The following OPCML variants were observed in gnomAD, a reference collection of about 807,000 sequenced individuals.
The protein encoded by OPCML is opioid binding protein/cell adhesion molecule like, also known as opioid-binding protein/cell adhesion molecule.
Under a neutral mutation model 37.8 loss-of-function variants are expected in OPCML, and 13 were observed. The ratio of observed to expected loss-of-function variants is 0.34; its 90% CI spans 0.22 to 0.55. The LOEUF is 0.55. Ranked by LOEUF, OPCML falls within the 20% of genes least tolerant of loss-of-function variation. OPCML has a pLI of 0.91. For synonymous variants in OPCML, 176 were observed against 168.8 expected, an observed-to-expected ratio of 1.04 and a Z score of -0.33; for missense variants, 341 against 435.6, an observed-to-expected ratio of 0.78 and a Z score of 1.93.
chr11:133,341,610 C>T (rs1592217004), intron 1 of OPCML, among the ~76,000 whole-genome samples: 1 of 152,308 alleles, frequency 6.6e-6, no homozygotes, highest in East Asian at 1.9e-4. Context: ...AGAAATCAGT[C>T]TCCCTTAAAA....
intron 2 of OPCML, among the ~76,000 whole-genome samples, chr11:132,685,541 A>T (rs1012388044): frequency 6.6e-6 from 1 of 152,192 alleles, no homozygotes; most frequent in African/African-American, 2.4e-5. Context: ...GAGAAGACAC[A>T]TGTTTTAAAA....
intron 1 of OPCML, among the ~76,000 whole-genome samples, chr11:133,274,590 C>T (rs1044285588): frequency 3.3e-5 from 5 of 152,186 alleles, no homozygotes; most frequent in Admixed American, 6.5e-5. Context: ...ACAATCACCT[C>T]GAAGTTCCCT....
At chr11:132,559,754 C>G (rs370557942) in intron 3 of OPCML, among the ~76,000 whole-genome samples, 10 of 152,018 alleles carry the variant, frequency 6.6e-5, no homozygotes, top group African/African-American at 2.2e-4. Flanking sequence ...AATATATGAC[C>G]ACCTGGAGGG....
Position 133,317,944 on chromosome 11 carries a change from C to T in OPCML, c.61+214320G>A, listed in dbSNP as rs533995032. 4.1e-4 allele frequency among the ~76,000 whole-genome samples: 63 copies of T among 152,258 alleles called. 1 individual carries two copies. The highest frequency in any genetic ancestry group is 1.2e-3 in the African/African-American group (48 of 41,548). On this transcript the variant is annotated intron_variant, in intron 1 of 7. Coordinates refer to ENST00000524381, the MANE Select transcript of OPCML (RefSeq NM_001012393.5). ...TGCTTGCCTATTATTAGGCCCACAT[C>T]GAAGCGCTTCATGAGCATTTATGCC...
intron 3 of OPCML, among the ~76,000 whole-genome samples, chr11:132,584,616 G>A (rs2096468675): frequency 6.6e-6 from 1 of 152,170 alleles, no homozygotes; most frequent in African/African-American, 2.4e-5. Flanking sequence ...AGAGATGACT[G>A]TGTGAAATGT....
chr11:132,992,405 T>C (rs1291672005), intron 1 of OPCML, among the ~76,000 whole-genome samples: 1 of 152,206 alleles, frequency 6.6e-6, no homozygotes, highest in Non-Finnish European at 1.5e-5. Flanking sequence ...ATAATATCTG[T>C]CTCCATTTTT....
chr11:133,481,444 A>AAAT (rs57311169), intron 1 of OPCML, among the ~76,000 whole-genome samples: 18,538 of 150,124 alleles, frequency 0.12, 1,237 homozygotes, highest in Admixed American at 0.19. Context: ...CCCAGTTAAA[A>AAAT]AAATAAATAA....
chr11:132,542,674 G>C (rs1204361568), intron 3 of OPCML, among the ~76,000 whole-genome samples: 1 of 152,160 alleles, frequency 6.6e-6, no homozygotes, highest in Non-Finnish European at 1.5e-5. Flanking sequence ...TGAATGGGCT[G>C]CAGGTCTCTG....
chr11:133,458,182 A>G (rs1183016787), intron 1 of OPCML, among the ~76,000 whole-genome samples: 1 of 140,668 alleles, frequency 7.1e-6, no homozygotes, highest in African/African-American at 3.0e-5. Flanking sequence ...ATATATGTGT[A>G]TATATACACA....
At chr11:133,023,999 G>GAGGC (rs1265611891) in intron 1 of OPCML, among the ~76,000 whole-genome samples, 1 of 152,206 alleles carries the variant, frequency 6.6e-6, no homozygotes, top group Non-Finnish European at 1.5e-5. Context: ...ACCCTGCACA[G>GAGGC]AGGCCCAGAG....
At chr11:133,007,873 G>C (rs545057878) in intron 1 of OPCML, 1 of 985,432 alleles carries the variant, frequency 1.0e-6, no homozygotes, top group Non-Finnish European at 1.2e-6. Context: ...AGATTGTGGG[G>C]AAAATGGTTT....
At chr11:132,898,817 A>G (rs1943943046) in intron 2 of OPCML, among the ~76,000 whole-genome samples, 1 of 151,726 alleles carries the variant, frequency 6.6e-6, no homozygotes, top group Admixed American at 6.6e-5. Flanking sequence ...CAATGATTCC[A>G]TTGAACTGGA....
intron 1 of OPCML, among the ~76,000 whole-genome samples, chr11:133,351,028 G>T (rs966182653): frequency 6.6e-6 from 1 of 152,092 alleles, no homozygotes; most frequent in Non-Finnish European, 1.5e-5. Context: ...AATTAAAATA[G>T]GAGTATACCT....
intron 2 of OPCML, among the ~76,000 whole-genome samples, chr11:132,694,090 A>C (rs533131023): frequency 7.3e-5 from 11 of 150,018 alleles, no homozygotes; most frequent in African/African-American, 2.7e-4. Flanking sequence ...CAGTTCTGCC[A>C]TATCTAGCTA....
intron 1 of OPCML, among the ~76,000 whole-genome samples, chr11:133,186,608 T>C (rs1171919967): frequency 6.6e-6 from 1 of 152,156 alleles, no homozygotes; most frequent in Non-Finnish European, 1.5e-5. Flanking sequence ...ACTCCTGGGT[T>C]CCTTCCATTT....
intron 2 of OPCML, among the ~76,000 whole-genome samples, chr11:132,701,587 G>T (rs932532352): frequency 1.3e-5 from 2 of 152,058 alleles, no homozygotes; most frequent in African/African-American, 2.4e-5. Flanking sequence ...CCAGTTTTTT[G>T]TGTTTATGCT....
intron 2 of OPCML, among the ~76,000 whole-genome samples, chr11:132,876,093 G>A (rs1405099307): frequency 6.6e-6 from 1 of 152,116 alleles, no homozygotes; most frequent in African/African-American, 2.4e-5. Flanking sequence ...GTCCTGGGAG[G>A]GCATTGCCCT....
intron 3 of OPCML, among the ~76,000 whole-genome samples, chr11:132,577,130 T>C (rs2096452857): frequency 6.6e-6 from 1 of 152,188 alleles, no homozygotes; most frequent in African/African-American, 2.4e-5. Context: ...TGCAGTTGTC[T>C]GGATTGTGAA....
At chr11:133,327,525 A>G (rs1943502943) in intron 1 of OPCML, among the ~76,000 whole-genome samples, 1 of 152,068 alleles carries the variant, frequency 6.6e-6, no homozygotes, top group Admixed American at 6.6e-5. Flanking sequence ...CTGAAACAGC[A>G]GATCTCAAGC....
Sources: allele counts gnomAD v4.1 joint callset (sites outside exome capture counted in the v4.1 genomes callset), GRCh38; gene constraint gnomAD v4.1.1; transcripts MANE v1.5; gene names NCBI Gene and HGNC (gene_info 2026-07-23, HGNC 2026-07-21).